PARL: variants seen among roughly 807,000 people sequenced by gnomAD.
PARL encodes the protein presenilin associated rhomboid like.
Under a neutral mutation model 51.6 loss-of-function variants are expected in PARL, and 44 were observed. The ratio of observed to expected loss-of-function variants is 0.85; its 90% CI spans 0.67 to 1.10. The LOEUF (loss-of-function observed/expected upper bound fraction) is 1.10, where lower values mean the gene tolerates loss of function less well. Among genes scored for constraint, PARL ranks in the 50% least tolerant of loss-of-function variants. PARL has a pLI of 0.00. For missense variants in PARL, 441 were observed against 469.5 expected (o/e 0.94, Z 0.56); for synonymous variants, 172 against 164.0 (o/e 1.05, Z -0.37).
At chr3:183,873,122 G>T (rs1733401478) in intron 1 of PARL, among the ~76,000 whole-genome samples, 1 of 152,174 alleles carries the variant, frequency 6.6e-6, no homozygotes, top group Non-Finnish European at 1.5e-5. Flanking sequence ...AGTAAGTAAA[G>T]TCGCAATTAA....
At chr3:183,853,114 A>G (rs1035698853) in intron 4 of PARL, among the ~76,000 whole-genome samples, 1 of 152,246 alleles carries the variant, frequency 6.6e-6, no homozygotes, top group African/African-American at 2.4e-5. Context: ...GCAACAAAAG[A>G]AAAAATAGAC....
At chr3:183,861,184 A>C in intron 4 of PARL, 3 of 688,644 alleles carry the variant, frequency 4.4e-6, no homozygotes, top group Non-Finnish European at 5.4e-6. Flanking sequence ...GTGCTACTAA[A>C]GAGCTATCTT....
intron 7 of PARL, among the ~76,000 whole-genome samples, chr3:183,838,542 G>T (rs1728927909): frequency 6.6e-6 from 1 of 152,094 alleles, no homozygotes; most frequent in Non-Finnish European, 1.5e-5. Flanking sequence ...TTTGATGACT[G>T]AACAGGAACT....
chr3:183,878,992 T>C (rs1163449439), intron 1 of PARL, among the ~76,000 whole-genome samples: 2 of 152,226 alleles, frequency 1.3e-5, no homozygotes, highest in African/African-American at 2.4e-5. Context: ...CATGAACCAC[T>C]TGGAATAGCA....
chr3:183,842,327 T>C lies in PARL; in HGVS notation c.728A>G (p.Glu243Gly). The C allele has an allele frequency of 6.2e-7, 1 of 1,613,006 alleles. No homozygotes were observed. Reference sequence around the variant, plus strand: ...AGATAGGTACACTGCCATGAACTGCTCTTGACCCAGAATGTTCACTATGCT... The same window carrying C: ...AGATAGGTACACTGCCATGAACTGCCCTTGACCCAGAATGTTCACTATGCT... ...SSSIVNILGQ[E>G]QFMAVYLSAG... Residue 243 changes from glutamate to glycine, a missense_variant, in exon 6 of 10, where the codon GAG becomes GGG. By Grantham distance (98) the Glu-to-Gly change is moderately conservative. Coordinates refer to ENST00000317096, the MANE Select transcript of PARL (RefSeq NM_018622.7).
chr3:183,829,735 C>T (rs755812034), intron 9 of PARL, 26 bp from the exon 10 acceptor site: 9 of 1,574,138 alleles, frequency 5.7e-6, no homozygotes, highest in Non-Finnish European at 7.0e-6. Context: ...CCAGGTCCGA[C>T]ATTCAAACAG....
chr3:183,842,813 A>C (rs1729490378), intron 5 of PARL, among the ~76,000 whole-genome samples: 1 of 85,450 alleles, frequency 1.2e-5, no homozygotes, highest in Non-Finnish European at 2.3e-5. Context: ...ATCTCAAAAA[A>C]AAAAAAAAAA....
chr3:183,831,281 A>G (rs1577267869), intron 9 of PARL, among the ~76,000 whole-genome samples: 1 of 152,160 alleles, frequency 6.6e-6, no homozygotes. Context: ...CGGCCACCCA[A>G]ATCTTTTTAA....
chr3:183,855,488 G>T (rs944892128), intron 4 of PARL, among the ~76,000 whole-genome samples: 1 of 152,100 alleles, frequency 6.6e-6, no homozygotes, highest in African/African-American at 2.4e-5. Context: ...TGGCACCAAG[G>T]ACCGGTTTTG....
At chr3:183,878,660 C>T (rs1054565758) in intron 1 of PARL, among the ~76,000 whole-genome samples, 38 of 152,216 alleles carry the variant, frequency 2.5e-4, no homozygotes, top group African/African-American at 9.1e-4. Context: ...CTATTCATAC[C>T]ACAGGTTTGG....
chr3:183,849,062 G>C (rs1730274786), intron 4 of PARL, among the ~76,000 whole-genome samples: 1 of 152,070 alleles, frequency 6.6e-6, no homozygotes. Context: ...AAAATGGACA[G>C]AACTAAAGGA....
Position 183,867,890 on chromosome 3 carries a change from A to C in PARL, c.296T>G (p.Ile99Arg), listed in dbSNP as rs1485027203. ...YPSPYPIRSL[I>R]KPLFFTVGFT... ...CCCAACAGTAAAAAATAAAGGTTTT[A>C]TGAGACTCCTTATAGGATAGGGAGA... The change falls in exon 2 of 10, where the codon ATA becomes AGA. Residue 99 changes from isoleucine to arginine, a missense_variant. Coordinates refer to ENST00000317096, the MANE Select transcript of PARL (RefSeq NM_018622.7). The C allele has an allele frequency of 1.2e-6, 2 of 1,613,410 alleles. No individual in the cohort carries two copies. The highest frequency in any genetic ancestry group is 1.7e-6 in the Non-Finnish European group (2 of 1,179,574).
chr3:183,876,132 C>T (rs1290909890), intron 1 of PARL, among the ~76,000 whole-genome samples: 4 of 152,178 alleles, frequency 2.6e-5, no homozygotes, highest in African/African-American at 4.8e-5. Context: ...CTACAACCTC[C>T]GCCTCCCAGG....
chr3:183,884,762 G>T lies in PARL; in HGVS notation c.85C>A (p.Leu29Ile). Residue 29 changes from leucine to isoleucine, a missense_variant, in exon 1 of 10, where the codon CTC becomes ATC. Transcript: ENST00000317096. ...ASVGGRSCEE[L>I]TAVLTPPQLL... ...TGCGGCGGGGTTAGGACCGCAGTGA[G>T]CTCCTCGCAGCTGCGGCCGCCCACC... 6.3e-7 allele frequency: 1 copy of T among 1,580,488 alleles called. No individual in the cohort carries two copies.
intron 1 of PARL, among the ~76,000 whole-genome samples, chr3:183,884,162 T>C (rs538359486): frequency 6.6e-6 from 1 of 152,362 alleles, no homozygotes; most frequent in South Asian, 2.1e-4. Context: ...TTCACACTTC[T>C]ACTCGGAAGG....
intron 1 of PARL, among the ~76,000 whole-genome samples, chr3:183,870,968 G>C (rs749873902): frequency 2.0e-5 from 3 of 151,968 alleles, no homozygotes; most frequent in Non-Finnish European, 2.9e-5. Flanking sequence ...TCTCTCCTTT[G>C]CACTTCTAGA....
chr3:183,854,947 G>T (rs963164840), intron 4 of PARL, among the ~76,000 whole-genome samples: 1 of 152,030 alleles, frequency 6.6e-6, no homozygotes, highest in African/African-American at 2.4e-5. Flanking sequence ...CCATACACTG[G>T]AATATCATTT....
chr3:183,883,802 G>T, intron 1 of PARL: 1 of 530,350 alleles, frequency 1.9e-6, no homozygotes, highest in Non-Finnish European at 2.4e-6. Flanking sequence ...TCTCCTGATT[G>T]TGATTTGGGA....
chr3:183,876,152 T>A (rs1485008792), intron 1 of PARL, among the ~76,000 whole-genome samples: 1 of 152,186 alleles, frequency 6.6e-6, no homozygotes, highest in African/African-American at 2.4e-5. Context: ...GTTCAAGCAG[T>A]TCTCCTGCCT....
Sources: gnomAD v4.1 joint callset for allele counts (sites outside exome capture counted in the v4.1 genomes callset) on GRCh38, gnomAD v4.1.1 for gene constraint, MANE v1.5 for transcripts, NCBI Gene and HGNC (gene_info 2026-07-23, HGNC 2026-07-21) for gene names.